The following SPATA31E1 variants were observed in gnomAD, a reference collection of about 807,000 sequenced individuals.
SPATA31E1 encodes the protein SPATA31 subfamily E member 1, also known as spermatogenesis-associated protein 31E1.
Under a neutral mutation model 12.9 loss-of-function variants are expected in SPATA31E1, and 7 were observed. That is an observed-to-expected ratio of 0.54 (90% CI 0.31 to 1.02). SPATA31E1 has a LOEUF of 1.02. Ranked by LOEUF, SPATA31E1 falls within the 50% of genes least tolerant of loss-of-function variation. The pLI is 0.05. For missense variants in SPATA31E1, 1,961 were observed against 1,799.8 expected (o/e 1.09, Z -1.62); for synonymous variants, 771 against 719.0 (o/e 1.07, Z -1.16).
Position 87,885,304 on chromosome 9 carries a change from TGCCCCGTCCCCC to T in SPATA31E1, c.818_829del (p.Cys273_Gln277delinsTer). On this transcript the variant is annotated stop_gained and inframe_deletion, in exon 4 of 4. Transcript: ENST00000325643. LOFTEE classifies it low-confidence loss of function (END_TRUNC). Reference sequence around the variant, plus strand: ...TGGACTTCAGTGTGGCTCCACAACATGCCCCGTCCCCCAGAGCTCCCCTCTACACAACCAGGT... The same window carrying T: ...TGGACTTCAGTGTGGCTCCACAACATAGAGCTCCCCTCTACACAACCAGGT... The T allele has an allele frequency of 1.2e-6, 2 of 1,613,996 alleles. No individual in the cohort carries two copies. Among genetic ancestry groups the T allele is most frequent in the Non-Finnish European group, 1.7e-6 (2 of 1,179,928 alleles).
rs1828337677 is a variant in SPATA31E1 at position 87,888,833 on chromosome 9, C to T, written c.*8C>T. The T allele has an allele frequency of 6.3e-7, 1 of 1,585,744 alleles. No homozygotes were observed. Among genetic ancestry groups the T allele is most frequent in the Non-Finnish European group, 8.6e-7 (1 of 1,167,102 alleles). ...AGGTGTCTTGCCTCCTGAACTAGACCAGTCTTCTTGCATGTCTCCTGGGGG... is the reference window on the plus strand; with the variant it reads ...AGGTGTCTTGCCTCCTGAACTAGACTAGTCTTCTTGCATGTCTCCTGGGGG... On this transcript the variant is annotated 3_prime_UTR_variant, in exon 4 of 4. Transcript: ENST00000325643.
intron 1 of SPATA31E1, among the ~76,000 whole-genome samples, chr9:87,883,669 C>T (rs947617411): frequency 5.3e-5 from 8 of 152,168 alleles, no homozygotes; most frequent in African/African-American, 1.9e-4. Context: ...GTACCCTGGC[C>T]TCCTCTCCAT....
chr9:87,888,310 C>T lies in SPATA31E1; in HGVS notation c.3823C>T (p.His1275Tyr). The part of the protein sequence containing the change: ...RKISHHPQGL[H>Y]PRKGGTRWED... ...GATCAGTCACCATCCACAGGGTCTA[C>T]ACCCCAGGAAAGGAGGCACACGGTG... is the stretch of plus-strand genomic sequence containing the variant. Residue 1275 changes from histidine to tyrosine, a missense_variant, in exon 4 of 4, where the codon CAC becomes TAC. His to Tyr is a moderately conservative substitution (Grantham distance 83). Transcript: ENST00000325643. 1 of 1,614,176 alleles carries T rather than the reference C, an allele frequency of 6.2e-7. No homozygotes were observed. Among genetic ancestry groups the T allele is most frequent in the South Asian group, 1.1e-5 (1 of 91,090 alleles).
At chr9:87,883,683 C>T (rs915320523) in intron 1 of SPATA31E1, among the ~76,000 whole-genome samples, 1 of 152,230 alleles carries the variant, frequency 6.6e-6, no homozygotes, top group Non-Finnish European at 1.5e-5. Flanking sequence ...TCTCCATTCT[C>T]ATCCAAAGCA....
In SPATA31E1 at chr9:87,887,021, G is replaced by A. The variant is rs1465395945; in HGVS notation, c.2534G>A (p.Arg845Lys). Residue 845 changes from arginine to lysine, a missense_variant, in exon 4 of 4, where the codon AGG (arginine) becomes AAG (lysine). Transcript: ENST00000325643. ...GTACATCTTGTAAGGTTCTGTGTGA[G>A]GCACAGCTGGGGTACAGACCTCCAG... The part of the protein sequence containing the change: ...LEVHLVRFCV[R>K]HSWGTDLQSL... The A allele has an allele frequency of 1.2e-6, 2 of 1,614,002 alleles. No homozygotes were observed. Among genetic ancestry groups the A allele is most frequent in the African/African-American group, 1.3e-5 (1 of 74,944 alleles).
chr9:87,886,395 C>T lies in SPATA31E1; in HGVS notation c.1908C>T (p.His636=). 6.2e-7 allele frequency: 1 copy of T among 1,613,790 alleles called. No individual in the cohort carries two copies. The highest frequency in any genetic ancestry group is 8.5e-7 in the Non-Finnish European group (1 of 1,179,908). The change falls in exon 4 of 4, where the codon CAC becomes CAT. Residue 636 remains histidine, a synonymous_variant. Coordinates refer to ENST00000325643, the MANE Select transcript of SPATA31E1 (RefSeq NM_178828.5). ...GGTGGCAAGGAAGGAATGCCATCCA[C>T]CAGGAGCAGTCCTGTGGCCCTCCCA... ...EHWWQGRNAI[H]QEQSCGPPSR...
intron 3 of SPATA31E1, 69 bp downstream of exon 3, chr9:87,884,720 G>C (rs562595549): frequency 7.5e-6 from 12 of 1,594,820 alleles, no homozygotes; most frequent in South Asian, 6.6e-5. Context: ...CCTACGGCCT[G>C]GTGGTGATCT....
In SPATA31E1 at chr9:87,888,345, C is replaced by A. The variant is rs747723051; in HGVS notation, c.3858C>A (p.Val1286=). 1 of 1,614,160 alleles carries A rather than the reference C, an allele frequency of 6.2e-7. No individual in the cohort carries two copies. The highest frequency in any genetic ancestry group is 8.5e-7 in the Non-Finnish European group (1 of 1,180,024). ...AAGGAGGCACACGGTGGGAAGATGTCCTGCAGAAAGGCAAGCCTGGGGCAG... is the reference window on the plus strand; with the variant it reads ...AAGGAGGCACACGGTGGGAAGATGTACTGCAGAAAGGCAAGCCTGGGGCAG... ...PRKGGTRWED[V]LQKGKPGADA... Residue 1286 remains valine (V), a synonymous_variant, in exon 4 of 4, where the codon GTC becomes GTA. Coordinates refer to ENST00000325643, the MANE Select transcript of SPATA31E1 (RefSeq NM_178828.5).
chr9:87,887,288 C>CGA lies in SPATA31E1; in HGVS notation c.2805_2806dup (p.Gly936GlufsTer52). ...GAGCAGGAGGGAGTCCAGAGGCCCCCGAGAGGGTCCCAGTCAGCTGATACC... is the reference window on the plus strand; with the variant it reads ...GAGCAGGAGGGAGTCCAGAGGCCCCCGAGAGAGGGTCCCAGTCAGCTGATACC... On this transcript the variant is annotated frameshift_variant, in exon 4 of 4. Coordinates refer to ENST00000325643, the MANE Select transcript of SPATA31E1 (RefSeq NM_178828.5). LOFTEE classifies it low-confidence loss of function (END_TRUNC). The CGA allele has an allele frequency of 6.2e-7, 1 of 1,613,808 alleles. No homozygotes were observed. The highest frequency in any genetic ancestry group is 8.5e-7 in the Non-Finnish European group (1 of 1,179,992).
chr9:87,883,112 G>A lies in SPATA31E1; in HGVS notation c.221G>A (p.Cys74Tyr). ...ATGGATTTCATCCTCACCAGTGTGT[G>A]TGGCCTAGTGCTCCTCTTCCTATTG... ...WMMDFILTSV[C>Y]GLVLLFLLLL... Residue 74 changes from cysteine to tyrosine, a missense_variant, in exon 1 of 4, where the codon TGT (cysteine) becomes TAT (tyrosine). By Grantham distance (194) the Cys-to-Tyr change is radical. Coordinates refer to ENST00000325643, the MANE Select transcript of SPATA31E1 (RefSeq NM_178828.5). 6.2e-7 allele frequency: 1 copy of A among 1,605,940 alleles called. No individual in the cohort carries two copies. The highest frequency in any genetic ancestry group is 8.5e-7 in the Non-Finnish European group (1 of 1,176,130).
Position 87,885,523 on chromosome 9 carries a change from C to T in SPATA31E1, c.1036C>T (p.Pro346Ser). 6.2e-7 allele frequency: 1 copy of T among 1,614,182 alleles called. No individual in the cohort carries two copies. The highest frequency in any genetic ancestry group is 1.3e-5 in the African/African-American group (1 of 75,060). Residue 346 changes from proline to serine, a missense_variant, in exon 4 of 4, where the codon CCC (proline) becomes TCC (serine). Physicochemically the swap from Pro to Ser is moderately conservative, Grantham distance 74. Transcript: ENST00000325643. ...GGCTTCCTTCTGGGGAGACCCCACA[C>T]CCAAGCACATGGAGGTAGGTGGCTG... is the stretch of plus-strand genomic sequence containing the variant. ...SEASFWGDPTPKHMEVGGCTF... is the reference protein window; with the variant it reads ...SEASFWGDPTSKHMEVGGCTF...
chr9:87,886,912 G>C lies in SPATA31E1; in HGVS notation c.2425G>C (p.Ala809Pro). The change falls in exon 4 of 4, where the codon GCA becomes CCA. Residue 809 changes from alanine (A) to proline (P), a missense_variant. Transcript: ENST00000325643. The stretch of plus-strand genomic sequence containing the variant: ...CACCCACAGGAAACCTGGGAAGCTG[G>C]CATCCTGGAGGGGTGGGAAAGCCCA... ...SDTHRKPGKL[A>P]SWRGGKAHVN... The C allele has an allele frequency of 6.2e-7, 1 of 1,614,090 alleles. No homozygotes were observed. Among genetic ancestry groups the C allele is most frequent in the Non-Finnish European group, 8.5e-7 (1 of 1,180,006 alleles).
In SPATA31E1 at chr9:87,886,312, C is replaced by T. The variant is rs758266605; in HGVS notation, c.1825C>T (p.Pro609Ser). 9.3e-6 allele frequency: 15 copies of T among 1,613,688 alleles called. No homozygotes were observed. The highest frequency in any genetic ancestry group is 1.7e-4 in the Middle Eastern group (1 of 5,834). Reference protein sequence around the residue: ...LPQERPASWSPKSAPILPGVV... With the variant: ...LPQERPASWSSKSAPILPGVV... ...CCAAGAGAGGCCGGCCTCCTGGAGC[C>T]CCAAGTCAGCCCCCATCCTTCCCGG... Residue 609 changes from proline to serine, a missense_variant, in exon 4 of 4, where the codon CCC becomes TCC. Coordinates refer to ENST00000325643, the MANE Select transcript of SPATA31E1 (RefSeq NM_178828.5).
In SPATA31E1 at chr9:87,888,754, G is replaced by T. The variant is rs771874324; in HGVS notation, c.4267G>T (p.Ala1423Ser). Residue 1423 changes from alanine to serine, a missense_variant, in exon 4 of 4, where the codon GCA (alanine) becomes TCA (serine). Ala to Ser is a moderately conservative substitution (Grantham distance 99, BLOSUM62 1). Transcript: ENST00000325643. ...AGPHHHRPRM[A>S]STSGGPHPQL... Reference sequence around the variant, plus strand: ...TCCCCACCACCACAGGCCAAGAATGGCAAGCACCTCGGGCGGCCCCCATCC... The same window carrying T: ...TCCCCACCACCACAGGCCAAGAATGTCAAGCACCTCGGGCGGCCCCCATCC... 4 of 1,613,474 alleles carry T rather than the reference G, an allele frequency of 2.5e-6. No homozygotes were observed. In the South Asian group the frequency reaches 4.4e-5, roughly 18 times the overall value.
rs758356691 is a variant in SPATA31E1, at chr9:87,885,528, G to A, written c.1041G>A (p.Lys347=). 2 of 1,614,182 alleles carry A rather than the reference G, an allele frequency of 1.2e-6. No homozygotes were observed. The highest frequency in any genetic ancestry group is 1.7e-6 in the Non-Finnish European group (2 of 1,180,046). The change falls in exon 4 of 4, where the codon AAG becomes AAA. Residue 347 remains lysine (K), a synonymous_variant. Transcript: ENST00000325643. ...CCTTCTGGGGAGACCCCACACCCAA[G>A]CACATGGAGGTAGGTGGCTGCACAT... ...EASFWGDPTP[K]HMEVGGCTFI...
chr9:87,887,451 G>A lies in SPATA31E1; in HGVS notation c.2964G>A (p.Gly988=). 1 of 1,613,908 alleles carries A rather than the reference G, an allele frequency of 6.2e-7. No individual in the cohort carries two copies. The highest frequency in any genetic ancestry group is 2.2e-5 in the East Asian group (1 of 44,878). ...GGAAACCCAAACCCAGACTAGAGGG[G>A]AGTATGGGTTCAGAAATGGCTGGGA... ...ESGKPKPRLE[G]SMGSEMAGNE... is the part of the protein sequence containing the mutation. The change falls in exon 4 of 4, where the codon GGG becomes GGA. Residue 988 remains glycine, a synonymous_variant. Transcript: ENST00000325643.
Position 87,888,122 on chromosome 9 carries a change from C to G in SPATA31E1, c.3635C>G (p.Thr1212Arg), listed in dbSNP as rs775022323. Residue 1212 changes from threonine (T) to arginine (R), a missense_variant, in exon 4 of 4, where the codon ACA becomes AGA. Thr to Arg is a moderately conservative substitution (Grantham distance 71, BLOSUM62 -1). Transcript: ENST00000325643. ...DKGEAHRRPR[T>R]GEQGHRSKGP... ...GGCGAGGCCCACAGGAGGCCCAGAA[C>G]AGGGGAGCAGGGACACAGGTCCAAG... The G allele has an allele frequency of 1.1e-5, 17 of 1,606,688 alleles. No individual in the cohort carries two copies. The Admixed American group carries it at 1.5e-4, about 15-fold the overall frequency.
At position 87,886,881 on chromosome 9, in the gene SPATA31E1, G is replaced by A; in HGVS notation, c.2394G>A (p.Lys798=). ...SWLMAKCAVP[K]SDTHRKPGKL... ...TCATGGCCAAATGTGCTGTTCCCAA[G>A]TCTGACACCCACAGGAAACCTGGGA... The change falls in exon 4 of 4, where the codon AAG becomes AAA. Residue 798 remains lysine (K), a synonymous_variant. Transcript: ENST00000325643. 1 of 1,614,152 alleles carries A rather than the reference G, an allele frequency of 6.2e-7. No homozygotes were observed. Among genetic ancestry groups the A allele is most frequent in the South Asian group, 1.1e-5 (1 of 91,088 alleles).
intron 1 of SPATA31E1, among the ~76,000 whole-genome samples, chr9:87,883,499 C>CT (rs569746461): frequency 2.3e-4 from 35 of 152,192 alleles, no homozygotes; most frequent in Non-Finnish European, 4.9e-4. Flanking sequence ...TCATCACCCC[C>CT]TTCCTGGGGC....
Sources: gnomAD v4.1 joint callset for allele counts (sites outside exome capture counted in the v4.1 genomes callset) on GRCh38, gnomAD v4.1.1 for gene constraint, MANE v1.5 for transcripts, NCBI Gene and HGNC (gene_info 2026-07-23, HGNC 2026-07-21) for gene names.